Variants in ILDR2 observed in about 807,000 individuals in gnomAD.
The protein encoded by ILDR2 is immunoglobulin-like domain-containing receptor 2.
In ILDR2, 25 loss-of-function variants were observed where a neutral mutation model predicts 66.8. The observed-to-expected ratio is 0.37, with a 90% CI of 0.27 to 0.52. ILDR2 has a LOEUF of 0.52. Ranked by LOEUF, ILDR2 falls within the 20% of genes least tolerant of loss-of-function variation. The pLI is 0.88. For missense variants in ILDR2, 827 were observed against 876.8 expected (o/e 0.94, Z 0.72); for synonymous variants, 367 against 357.2 (o/e 1.03, Z -0.31).
chr1:166,947,857 A>C (rs1364935429), intron 3 of ILDR2, among the ~76,000 whole-genome samples: 1 of 152,016 alleles, frequency 6.6e-6, no homozygotes, highest in Non-Finnish European at 1.5e-5. Context: ...GGCGGAATAA[A>C]GGCTGCGAGG....
chr1:166,901,812 G>A (rs529457799), intron 2 of ILDR2, among the ~76,000 whole-genome samples: 16 of 152,350 alleles, frequency 1.1e-4, no homozygotes, highest in African/African-American at 3.8e-4. Context: ...TACAGCCACT[G>A]ACATTCACAT....
chr1:166,921,244 G>T lies in ILDR2; in HGVS notation c.1347C>A (p.His449Gln). 6.3e-7 allele frequency: 1 copy of T among 1,597,934 alleles called. No individual in the cohort carries two copies. ...CGAAGCGGCTCCCGCCCCGCGCCTC[G>T]TGACTGTTGCCGTCTGCCCGGCGGG... ...QRPRRADGNSHEARGGSRFER... is the reference protein window; with the variant it reads ...QRPRRADGNSQEARGGSRFER... Residue 449 changes from histidine to glutamine, a missense_variant, in exon 9 of 10, where the codon CAC becomes CAA. His to Gln is a conservative substitution (Grantham distance 24). This residue lies in a region of ILDR2 where 390 missense variants were observed against 353.6 expected (regional missense o/e 1.10). Transcript: ENST00000271417. The surrounding 1 kb of genome is among the most constrained non-coding windows in gnomAD (Gnocchi z 5.3).
At position 166,909,746 on chromosome 1, in the gene ILDR2, T is replaced by G. The variant is rs1182211715; in HGVS notation, c.*9609A>C. On this transcript the variant is annotated 3_prime_UTR_variant, in exon 10 of 10. Coordinates refer to ENST00000271417, the MANE Select transcript of ILDR2 (RefSeq NM_199351.3). Reference sequence around the variant, plus strand: ...GTGTGTGTATACATACATATATATATATATATATATATAAATATATATAAA... The same window carrying G: ...GTGTGTGTATACATACATATATATAGATATATATATATAAATATATATAAA... The G allele has an allele frequency of 4.3e-4, 48 of 111,108 alleles. No individual in the cohort carries two copies. In the Admixed American group the frequency reaches 4.8e-3, roughly 11 times the overall value. 6.9% of individuals were successfully genotyped at this position (111,108 alleles called of 1,614,324 possible).
downstream of ILDR2, among the ~76,000 whole-genome samples, chr1:166,905,580 C>T (rs566217765): frequency 2.6e-5 from 4 of 152,270 alleles, no homozygotes; most frequent in Admixed American, 6.5e-5. Flanking sequence ...AGGATGTTTT[C>T]CAGGCCCCTC....
downstream of ILDR2, among the ~76,000 whole-genome samples, chr1:166,904,035 G>A (rs2038021): frequency 7.5e-3 from 1,142 of 152,076 alleles, 12 homozygotes; most frequent in African/African-American, 0.024. Context: ...TGTCTCCCTC[G>A]CTGGAATTTG....
At chr1:166,956,392 G>A (rs1269301656) in intron 3 of ILDR2, among the ~76,000 whole-genome samples, 1 of 152,074 alleles carries the variant, frequency 6.6e-6, no homozygotes, top group Non-Finnish European at 1.5e-5. Flanking sequence ...TTGCTTCAAA[G>A]GCCTCTAGCA....
In ILDR2 at chr1:166,936,815, G is replaced by A. The variant is rs1032779415; in HGVS notation, c.557-78C>T. On this transcript the variant is annotated intron_variant, in intron 4 of 9. Transcript: ENST00000271417. The surrounding 1 kb of genome is among the most constrained non-coding windows in gnomAD (Gnocchi z 5.0). The stretch of plus-strand genomic sequence containing the variant: ...GGGTGCACTTTGATTGGCATCTCCC[G>A]GTGAAAGGGGGAGAGGAGGAGGGAC... 17 of 1,383,198 alleles carry A rather than the reference G, an allele frequency of 1.2e-5. No individual in the cohort carries two copies. The highest frequency in any genetic ancestry group is 1.8e-4 in the Middle Eastern group (1 of 5,628). 85.7% of individuals were successfully genotyped at this position (1,383,198 alleles called of 1,614,324 possible).
rs78656354 is a variant in ILDR2, at chr1:166,936,413, G to A, written c.703+178C>T. On this transcript the variant is annotated intron_variant, in intron 5 of 9. Coordinates refer to ENST00000271417, the MANE Select transcript of ILDR2 (RefSeq NM_199351.3). This position sits in a 1 kb window ranked among gnomAD's most constrained non-coding sequence, Gnocchi z 5.0. ...TGGAGAGGTGTATGTAGGTGAAAAG[G>A]CAAATGAGAATGGTCATCCCTGAGG... 0.011 allele frequency among the ~76,000 whole-genome samples: 1,725 copies of A among 152,246 alleles called. 16 individuals are homozygous for A. The highest frequency in any genetic ancestry group is 0.016 in the Non-Finnish European group (1,120 of 67,994).
intron 7 of ILDR2, among the ~76,000 whole-genome samples, chr1:166,923,714 G>A (rs1439744970): frequency 6.6e-6 from 1 of 152,152 alleles, no homozygotes; most frequent in Non-Finnish European, 1.5e-5. Flanking sequence ...TTTTGCAAAA[G>A]CACTTGTGAA....
chr1:166,975,034 TCTCA>T (rs772697396), intron 1 of ILDR2, among the ~76,000 whole-genome samples, 185 bp downstream of exon 1: 62 of 118,240 alleles, frequency 5.2e-4, no homozygotes, highest in East Asian at 4.7e-3. Context: ...TCTCTCTCTC[TCTCA>T]CACACACACA....
intron 2 of ILDR2, among the ~76,000 whole-genome samples, chr1:166,900,087 T>C (rs1439924098): frequency 1.3e-5 from 2 of 152,122 alleles, no homozygotes. Flanking sequence ...CTCTCCAAAG[T>C]TCCACACTCA....
In ILDR2 at chr1:166,936,542, T is replaced by C. The variant is rs373693498; in HGVS notation, c.703+49A>G. 67 of 1,611,990 alleles carry C rather than the reference T, an allele frequency of 4.2e-5. 1 individual carries two copies. The highest frequency in any genetic ancestry group is 1.6e-4 in the Middle Eastern group (1 of 6,072). On this transcript the variant is annotated intron_variant, in intron 5 of 9. Transcript: ENST00000271417. The surrounding 1 kb of genome is among the most constrained non-coding windows in gnomAD (Gnocchi z 5.0). ...CGCACACAGCTGTCAGGTAGAGAGG[T>C]AGACATTTCTCTCGATCGCTCTGTC...
chr1:166,905,379 C>T (rs749236861), downstream of ILDR2, among the ~76,000 whole-genome samples: 61 of 152,204 alleles, frequency 4.0e-4, no homozygotes, highest in Admixed American at 5.2e-4. Context: ...ATTTGGTATG[C>T]ACTGAAGGAG....
At position 166,916,440 on chromosome 1, in the gene ILDR2, G is replaced by A. The variant is rs1485168191; in HGVS notation, c.*2915C>T. The A allele has an allele frequency of 4.0e-5, 6 of 151,500 alleles. No individual in the cohort carries two copies. The highest frequency in any genetic ancestry group is 1.9e-4 in the East Asian group (1 of 5,180). The allele number at this position is 151,500 out of a possible 1,614,324, so 9.4% of individuals were successfully genotyped here. On this transcript the variant is annotated 3_prime_UTR_variant, in exon 10 of 10. Transcript: ENST00000271417. The stretch of plus-strand genomic sequence containing the variant: ...TGTCTTATTTCCCCTATTAAATTAC[G>A]GGGTCCTAGTGGACAGAGATTATGT...
chr1:166,957,486 G>A (rs1040865893), intron 2 of ILDR2, among the ~76,000 whole-genome samples: 2 of 152,106 alleles, frequency 1.3e-5, no homozygotes, highest in Non-Finnish European at 2.9e-5. Context: ...TGTCAATTCA[G>A]CTCTAAAAAC....
intron 6 of ILDR2, among the ~76,000 whole-genome samples, chr1:166,931,803 A>G (rs542985726): frequency 6.6e-6 from 1 of 152,336 alleles, no homozygotes; most frequent in East Asian, 1.9e-4. Context: ...GGTTTGGGCT[A>G]AAAGGTGGAC....
In ILDR2 at chr1:166,958,101, G is replaced by A; in HGVS notation, c.47C>T (p.Ala16Val). The change falls in exon 2 of 10, where the codon GCC becomes GTC. Residue 16 changes from alanine to valine, a missense_variant and splice_region_variant. Physicochemically the swap from Ala to Val is moderately conservative, Grantham distance 64 (BLOSUM62 0). Around this residue, in one of 2 missense-constraint regions of ILDR2, gnomAD observed 437 missense variants for 523.2 expected, o/e 0.84. Transcript: ENST00000271417. ...LRWISLFWLT[A>V]MVEGLQVTVP... ...TGTGACCTGAAGGCCTTCGACCATG[G>A]CTGCAAAACAGAATAAACATGTCCG... The A allele has an allele frequency of 6.2e-7, 1 of 1,605,466 alleles. No homozygotes were observed. Among genetic ancestry groups the A allele is most frequent in the Non-Finnish European group, 8.5e-7 (1 of 1,172,972 alleles).
At chr1:166,906,293 T>G (rs565244561), downstream of ILDR2, among the ~76,000 whole-genome samples, 1 of 152,230 alleles carries the variant, frequency 6.6e-6, no homozygotes, top group Admixed American at 6.5e-5. Context: ...AATAGATCAT[T>G]TTGTGTTTAT....
chr1:166,969,129 C>CA (rs892444438), intron 1 of ILDR2, among the ~76,000 whole-genome samples: 2 of 151,902 alleles, frequency 1.3e-5, no homozygotes, highest in African/African-American at 4.8e-5. Flanking sequence ...ACAACAACAA[C>CA]AAAAAAAGAC....
Sources: allele counts gnomAD v4.1 joint callset (sites outside exome capture counted in the v4.1 genomes callset), GRCh38; gene constraint gnomAD v4.1.1; regional missense constraint gnomAD v4.1.1; non-coding constraint Gnocchi (gnomAD v3.1); transcripts MANE v1.5; gene names NCBI Gene and HGNC (gene_info 2026-07-23, HGNC 2026-07-21).